TMEM230: variants seen among roughly 807,000 people sequenced by gnomAD.
TMEM230 encodes transmembrane protein 230, also known as UPF0414 transmembrane protein C20orf30.
In TMEM230, 10 loss-of-function variants were observed where a neutral mutation model predicts 15.8. The observed-to-expected ratio is 0.63, with a 90% CI of 0.39 to 1.07. The LOEUF (loss-of-function observed/expected upper bound fraction) is 1.07, where lower values mean the gene tolerates loss of function less well. Among genes scored for constraint, TMEM230 ranks in the 50% least tolerant of loss-of-function variants. The pLI is 0.01. For synonymous variants in TMEM230, 67 were observed against 76.9 expected, an observed-to-expected ratio of 0.87 and a Z score of 0.68; for missense variants, 165 against 193.3, an observed-to-expected ratio of 0.85 and a Z score of 0.87.
downstream of TMEM230, among the ~76,000 whole-genome samples, chr20:5,099,224 AAATAAATAAATCAATCAATC>A (rs1407838765): frequency 5.3e-3 from 662 of 125,566 alleles, 6 homozygotes; most frequent in African/African-American, 0.014. Flanking sequence ...ATAAATAAAT[AAATAAATAAATCAATCAATC>A]AATAATAAAT....
At chr20:5,094,935 G>GT (rs1408223548), downstream of TMEM230, among the ~76,000 whole-genome samples, 1 of 152,026 alleles carries the variant, frequency 6.6e-6, no homozygotes, top group Admixed American at 6.6e-5. Flanking sequence ...ATTTCCTAAT[G>GT]TAAGTCATCT....
In TMEM230 at chr20:5,113,058, G is replaced by C; in HGVS notation, c.-30C>G. On this transcript the variant is annotated 5_prime_UTR_variant, in exon 1 of 5. Transcript: ENST00000342308. ...TGGCCCGCTTAAGTGCCACTCAGCCGGCCCCAGGCGGGATCAGTGCGCCGG... is the reference window on the plus strand; with the variant it reads ...TGGCCCGCTTAAGTGCCACTCAGCCCGCCCCAGGCGGGATCAGTGCGCCGG... 1 of 1,541,352 alleles carries C rather than the reference G, an allele frequency of 6.5e-7. No individual in the cohort carries two copies. The highest frequency in any genetic ancestry group is 8.7e-7 in the Non-Finnish European group (1 of 1,145,886).
At chr20:5,097,726 C>T (rs929338836), downstream of TMEM230, among the ~76,000 whole-genome samples, 2 of 151,978 alleles carry the variant, frequency 1.3e-5, no homozygotes, top group African/African-American at 4.8e-5. Flanking sequence ...ACCTCCACCT[C>T]CCGGGTTCAA....
At chr20:5,060,297 T>C in the TMEM230 span, among the ~76,000 whole-genome samples, 2 of 151,936 alleles carry the variant, frequency 1.3e-5, no homozygotes, top group African/African-American at 4.8e-5. Context: ...TTTTGAAATG[T>C]ATGGACTGGA....
At chr20:5,110,345 C>T (rs1484721357) in intron 2 of TMEM230, among the ~76,000 whole-genome samples, 1 of 150,872 alleles carries the variant, frequency 6.6e-6, no homozygotes, top group Non-Finnish European at 1.5e-5. Flanking sequence ...AGTGCAGTGG[C>T]GCAATCTCCA....
intron 3 of TMEM230, among the ~76,000 whole-genome samples, chr20:5,078,811 A>G (rs1357906708): frequency 2.0e-5 from 3 of 152,174 alleles, no homozygotes; most frequent in Non-Finnish European, 4.4e-5. Flanking sequence ...TTTTTGAGAC[A>G]CAGACTCTTG....
At chr20:5,072,796 C>T (rs1315979235) in intron 3 of TMEM230, among the ~76,000 whole-genome samples, 1 of 140,948 alleles carries the variant, frequency 7.1e-6, no homozygotes, top group Non-Finnish European at 1.5e-5. Flanking sequence ...TTGCAGTGAG[C>T]CGAGATCACG....
chr20:5,092,555 TAA>T (rs1215966227), intron 3 of TMEM230, among the ~76,000 whole-genome samples: 1 of 151,856 alleles, frequency 6.6e-6, no homozygotes, highest in Non-Finnish European at 1.5e-5. Context: ...CTGTCTCTAT[TAA>T]AAATACAAAA....
At chr20:5,071,454 G>A (rs142358278) in intron 3 of TMEM230, among the ~76,000 whole-genome samples, 2,086 of 151,820 alleles carry the variant, frequency 0.014, 48 homozygotes, top group African/African-American at 0.048. Context: ...GAGACACCCC[G>A]TCTCTACTAA....
chr20:5,068,422 C>A (rs1455039843), downstream of TMEM230: 1 of 152,266 alleles, frequency 6.6e-6, no homozygotes, highest in Non-Finnish European at 1.5e-5. Flanking sequence ...TCTGCATTGC[C>A]AGGGAGGCCT....
chr20:5,070,138 G>GA lies in TMEM230; in HGVS notation c.223-790dup, dbSNP rs1600261755. ...CTAGCTCTCTTGGAACTTTGCTCTC[G>GA]AGACACTCCTTCTCAGACCCCAGCC... On this transcript the variant is annotated intron_variant, in intron 3 of 3. Transcript: ENST00000612323. 2.0e-5 allele frequency among the ~76,000 whole-genome samples: 3 copies of GA among 152,136 alleles called. No individual in the cohort carries two copies. The East Asian group carries it at 5.8e-4, about 29-fold the overall frequency.
chr20:5,108,724 T>C (rs1264686625), intron 3 of TMEM230, among the ~76,000 whole-genome samples: 2 of 152,224 alleles, frequency 1.3e-5, no homozygotes, highest in African/African-American at 4.8e-5. Flanking sequence ...TAGAACATTC[T>C]ATTGTAAGGG....
At chr20:5,091,373 G>A (rs1470404334) in intron 3 of TMEM230, among the ~76,000 whole-genome samples, 1 of 152,082 alleles carries the variant, frequency 6.6e-6, no homozygotes, top group Non-Finnish European at 1.5e-5. Context: ...ACTACACCTG[G>A]CTAATTTTTG....
intron 3 of TMEM230, among the ~76,000 whole-genome samples, chr20:5,084,366 G>C (rs1330369411): frequency 6.6e-6 from 1 of 151,538 alleles, no homozygotes; most frequent in Non-Finnish European, 1.5e-5. Flanking sequence ...TGGGACTACA[G>C]GCGTACGCCA....
chr20:5,087,052 T>C (rs2089362692), intron 3 of TMEM230, among the ~76,000 whole-genome samples: 1 of 152,052 alleles, frequency 6.6e-6, no homozygotes, highest in East Asian at 1.9e-4. Context: ...TTTTGATTTT[T>C]TTGTAGAGAT....
intron 3 of TMEM230, among the ~76,000 whole-genome samples, chr20:5,091,315 A>G (rs958833564): frequency 1.3e-5 from 2 of 152,086 alleles, no homozygotes; most frequent in African/African-American, 4.8e-5. Context: ...GGTTCAAGTG[A>G]TTCTCCTGCC....
chr20:5,110,513 G>A (rs2090269756), intron 2 of TMEM230, among the ~76,000 whole-genome samples: 1 of 152,102 alleles, frequency 6.6e-6, no homozygotes, highest in Admixed American at 6.6e-5. Flanking sequence ...TCGAACTTCT[G>A]ACCTCAAGTG....
downstream of TMEM230, chr20:5,066,241 G>A (rs1244474296): frequency 6.6e-6 from 1 of 152,240 alleles, no homozygotes; most frequent in African/African-American, 2.4e-5. Flanking sequence ...GCTGGTCAGG[G>A]TGAGTCACTC....
At position 5,106,186 on chromosome 20, in the gene TMEM230, AC is replaced by A. The variant is rs1292048035; in HGVS notation, c.411+1del. On this transcript the variant is annotated splice_donor_variant, in intron 4 of 4. Coordinates refer to ENST00000342308, the MANE Select transcript of TMEM230 (RefSeq NM_001009923.2). LOFTEE classifies it high-confidence loss of function. ...CTTATTCCCACATGCCCGTCAGCTTACCCCTTTGCTGATGTAGCCTGACAGC... is the reference window on the plus strand; with the variant it reads ...CTTATTCCCACATGCCCGTCAGCTTACCCTTTGCTGATGTAGCCTGACAGC... The A allele has an allele frequency of 1.2e-6, 2 of 1,606,156 alleles. No individual in the cohort carries two copies. Among genetic ancestry groups the A allele is most frequent in the African/African-American group, 1.3e-5 (1 of 74,102 alleles).
Sources: gnomAD v4.1 joint callset for allele counts (sites outside exome capture counted in the v4.1 genomes callset) on GRCh38, gnomAD v4.1.1 for gene constraint, MANE v1.5 for transcripts, NCBI Gene and HGNC (gene_info 2026-07-23, HGNC 2026-07-21) for gene names.